CCSER1: variants seen among roughly 807,000 people sequenced by gnomAD.
CCSER1 encodes the protein serine-rich coiled-coil domain-containing protein 1.
In CCSER1, 41 loss-of-function variants were observed where a neutral mutation model predicts 82.0. The ratio of observed to expected loss-of-function variants is 0.50; its 90% CI spans 0.39 to 0.65. CCSER1 has a LOEUF of 0.65. CCSER1 is among the 30% of genes least tolerant of loss of function. The pLI, the probability that CCSER1 is intolerant of heterozygous loss-of-function variation, is 0.00. For missense variants in CCSER1, 1,119 were observed against 1,064.2 expected (o/e 1.05, Z -0.72); for synonymous variants, 414 against 383.9 (o/e 1.08, Z -0.92).
chr4:90,424,495 A>G (rs972841345), intron 4 of CCSER1, among the ~76,000 whole-genome samples: 7 of 152,180 alleles, frequency 4.6e-5, no homozygotes, highest in African/African-American at 1.7e-4. Context: ...ATTATATGGC[A>G]AACTTTATTG....
At chr4:91,173,052 C>T (rs986798273) in intron 10 of CCSER1, among the ~76,000 whole-genome samples, 1 of 152,246 alleles carries the variant, frequency 6.6e-6, no homozygotes, top group African/African-American at 2.4e-5. Context: ...GAAAGAACAT[C>T]TGATTTACAT....
At chr4:91,233,826 A>C (rs1254673574) in intron 10 of CCSER1, among the ~76,000 whole-genome samples, 1 of 151,878 alleles carries the variant, frequency 6.6e-6, no homozygotes, top group Non-Finnish European at 1.5e-5. Flanking sequence ...CTTCCTTTAT[A>C]GATGTGACAT....
At chr4:91,372,552 G>C (rs1578293063) in intron 10 of CCSER1, among the ~76,000 whole-genome samples, 1 of 150,516 alleles carries the variant, frequency 6.6e-6, no homozygotes, top group South Asian at 2.1e-4. Context: ...TGAAAAAAAA[G>C]CCCTCATTTT....
At chr4:91,417,793 T>C (rs912746549) in intron 10 of CCSER1, among the ~76,000 whole-genome samples, 6 of 151,758 alleles carry the variant, frequency 4.0e-5, no homozygotes, top group Admixed American at 2.0e-4. Flanking sequence ...CCGTGACACA[T>C]GTTTACCTAT....
intron 8 of CCSER1, among the ~76,000 whole-genome samples, chr4:90,860,680 A>G (rs1466019453): frequency 2.0e-5 from 3 of 151,746 alleles, no homozygotes; most frequent in Non-Finnish European, 4.4e-5. Context: ...CATACGGTAA[A>G]ACATTATTCA....
intron 10 of CCSER1, among the ~76,000 whole-genome samples, chr4:91,567,827 C>T (rs1762964568): frequency 6.6e-6 from 1 of 152,036 alleles, no homozygotes; most frequent in Admixed American, 6.6e-5. Context: ...CAGCTTGCCA[C>T]TCTGCATTTT....
At chr4:90,138,232 C>T (rs965694268) in intron 1 of CCSER1, among the ~76,000 whole-genome samples, 2 of 152,082 alleles carry the variant, frequency 1.3e-5, no homozygotes, top group Non-Finnish European at 2.9e-5. Flanking sequence ...TGCTCTGTCA[C>T]GTAGGCCAGA....
At chr4:90,641,751 T>C (rs13101584) in intron 6 of CCSER1, among the ~76,000 whole-genome samples, 20,216 of 152,134 alleles carry the variant, frequency 0.13, 1,759 homozygotes, top group East Asian at 0.32. Context: ...GTATGTGTAC[T>C]TATATTATCT....
intron 8 of CCSER1, among the ~76,000 whole-genome samples, chr4:90,880,512 G>T (rs1721144242): frequency 6.6e-6 from 1 of 152,144 alleles, no homozygotes; most frequent in Admixed American, 6.5e-5. Context: ...AGCACTTGGG[G>T]TCTTTGCTAC....
chr4:90,899,924 C>T (rs1724344424), intron 8 of CCSER1, among the ~76,000 whole-genome samples: 1 of 151,666 alleles, frequency 6.6e-6, no homozygotes, highest in African/African-American at 2.4e-5. Context: ...CTGTTGTGTC[C>T]TTGCCAGGTT....
chr4:91,291,082 T>A (rs964075944), intron 10 of CCSER1, among the ~76,000 whole-genome samples: 9 of 151,462 alleles, frequency 5.9e-5, no homozygotes, highest in Non-Finnish European at 1.3e-4. Context: ...TATATTATTT[T>A]ATAAATATTT....
At position 90,600,953 on chromosome 4, in the gene CCSER1, ATAT is replaced by A. The variant is rs1315351604; in HGVS notation, c.1725-27067_1725-27065del. On this transcript the variant is annotated intron_variant, in intron 5 of 10. Coordinates refer to ENST00000509176, the MANE Select transcript of CCSER1 (RefSeq NM_001145065.2). Reference sequence around the variant, plus strand: ...TGTATTTTTGATTTTATTGTTAGTGATATTATTTTATTTCAAATCTATTTTTTT... The same window carrying A: ...TGTATTTTTGATTTTATTGTTAGTGATATTTTATTTCAAATCTATTTTTTT... 3.5e-5 allele frequency among the ~76,000 whole-genome samples: 5 copies of A among 140,908 alleles called. No individual in the cohort carries two copies. In the East Asian group the frequency reaches 1.1e-3, roughly 30 times the overall value. 92.4% of individuals were successfully genotyped at this position (140,908 alleles called of 152,430 possible). A position where few individuals can be genotyped will look rare whatever the true frequency, so the allele number is the denominator to read the frequency against.
intron 5 of CCSER1, among the ~76,000 whole-genome samples, chr4:90,537,491 T>C (rs1390462642): frequency 6.6e-6 from 1 of 152,158 alleles, no homozygotes; most frequent in Admixed American, 6.5e-5. Context: ...TTTCCATTTG[T>C]CCGTTTTTTC....
intron 10 of CCSER1, among the ~76,000 whole-genome samples, chr4:91,337,593 C>T (rs894119651): frequency 4.6e-5 from 7 of 152,036 alleles, no homozygotes; most frequent in African/African-American, 7.2e-5. Context: ...TCTTTGAACT[C>T]ATCCTGTTCC....
At chr4:90,337,924 T>C (rs1740710397) in intron 3 of CCSER1, among the ~76,000 whole-genome samples, 1 of 152,214 alleles carries the variant, frequency 6.6e-6, no homozygotes, top group African/African-American at 2.4e-5. Flanking sequence ...TTCAATCTGG[T>C]GCAATATGTT....
intron 5 of CCSER1, among the ~76,000 whole-genome samples, chr4:90,475,704 G>T (rs1041520283): frequency 6.6e-6 from 1 of 152,104 alleles, no homozygotes; most frequent in Non-Finnish European, 1.5e-5. Context: ...GTGTTTTTGT[G>T]AATTATCTGG....
intron 9 of CCSER1, among the ~76,000 whole-genome samples, chr4:90,935,018 G>T (rs1730754324): frequency 6.6e-6 from 1 of 151,668 alleles, no homozygotes. Context: ...CATATGAAAT[G>T]CATATATATA....
intron 7 of CCSER1, among the ~76,000 whole-genome samples, chr4:90,788,359 A>C (rs1439277066): frequency 6.6e-6 from 1 of 152,180 alleles, no homozygotes; most frequent in Non-Finnish European, 1.5e-5. Context: ...ACTACAAACA[A>C]ACTGAGTGGC....
intron 10 of CCSER1, among the ~76,000 whole-genome samples, chr4:91,128,026 A>G (rs901379275): frequency 5.3e-5 from 8 of 152,028 alleles, no homozygotes; most frequent in Non-Finnish European, 1.2e-4. Flanking sequence ...AAAGTGTTCA[A>G]CCATGAATCT....
Sources: allele counts gnomAD v4.1 joint callset (sites outside exome capture counted in the v4.1 genomes callset), GRCh38; gene constraint gnomAD v4.1.1; transcripts MANE v1.5; gene names NCBI Gene and HGNC (gene_info 2026-07-23, HGNC 2026-07-21).